The following ZNF527 variants were observed in gnomAD, a reference collection of about 807,000 sequenced individuals.
ZNF527 encodes zinc finger protein 527.
A neutral mutation model predicts 13.5 loss-of-function variants in ZNF527; 5 were observed. That is an observed-to-expected ratio of 0.37 (90% CI 0.19 to 0.78). ZNF527 has a LOEUF of 0.78. Among genes scored for constraint, ZNF527 ranks in the 30% least tolerant of loss-of-function variants. The pLI, the probability that ZNF527 is intolerant of heterozygous loss-of-function variation, is 0.48. For missense variants in ZNF527, 628 were observed against 726.4 expected (o/e 0.86, Z 1.56); for synonymous variants, 209 against 243.1 (o/e 0.86, Z 1.30).
Position 37,392,210 on chromosome 19 carries a change from C to T in ZNF527, c.*2331C>T, listed in dbSNP as rs1041449684. On this transcript the variant is annotated 3_prime_UTR_variant, in exon 5 of 5. Transcript: ENST00000436120. ...ATAAGCTTAATTCATGTCATCATTTCTTTATTTTTTATTATATTTCCTGGA... is the reference window on the plus strand; with the variant it reads ...ATAAGCTTAATTCATGTCATCATTTTTTTATTTTTTATTATATTTCCTGGA... 2.0e-5 allele frequency: 3 copies of T among 151,802 alleles called. No individual in the cohort carries two copies. Among genetic ancestry groups the T allele is most frequent in the African/African-American group, 7.3e-5 (3 of 41,306 alleles). 9.4% of individuals were successfully genotyped at this position (151,802 alleles called of 1,614,324 possible). A position where few individuals can be genotyped will look rare whatever the true frequency, so the allele number is the denominator to read the frequency against.
At chr19:37,380,200 G>A (rs2040642175) in intron 3 of ZNF527, 77 bp from the exon 4 acceptor site, 1 of 1,582,592 alleles carries the variant, frequency 6.3e-7, no homozygotes, top group Non-Finnish European at 8.6e-7. Context: ...CTGCGTCCTA[G>A]ACAGCTGTGG....
rs1437536206 is a variant in ZNF527, at chr19:37,375,299, TTTCTTTCTTTCTTTTC to T, written c.33+1071_33+1086del. Among the ~76,000 whole-genome samples, 246 of 106,938 alleles carry T rather than the reference TTTCTTTCTTTCTTTTC, an allele frequency of 2.3e-3. 1 individual carries two copies. The highest frequency in any genetic ancestry group is 5.8e-3 in the African/African-American group (133 of 22,992). The allele number at this position is 106,938 out of a possible 152,430, so 70.2% of individuals were successfully genotyped here. Reference sequence around the variant, plus strand: ...CTTTCTTTCTTTCTTTCTTTCTTTCTTTCTTTCTTTCTTTTCTTTCTTTCTTTCTTTCTTTCTTTCC... The same window carrying T: ...CTTTCTTTCTTTCTTTCTTTCTTTCTTTTCTTTCTTTCTTTCTTTCTTTCC... On this transcript the variant is annotated intron_variant, in intron 2 of 4. Transcript: ENST00000436120.
At chr19:37,372,690 C>T (rs1321292745) in intron 1 of ZNF527, among the ~76,000 whole-genome samples, 1 of 151,800 alleles carries the variant, frequency 6.6e-6, no homozygotes, top group African/African-American at 2.4e-5. Flanking sequence ...CCAGGCTGGT[C>T]TTGAATTCCT....
Position 37,386,204 on chromosome 19 carries a change from G to A in ZNF527, c.257-2102G>A, listed in dbSNP as rs138637811. On this transcript the variant is annotated intron_variant, in intron 4 of 4. Transcript: ENST00000436120. ...GTCACCCAGGCTGGAATGCTGTGGC[G>A]TGATCTTGGCTCACTGCAACCTCCA... 3.1e-3 allele frequency among the ~76,000 whole-genome samples: 409 copies of A among 130,820 alleles called. 2 individuals are homozygous for A. The highest frequency in any genetic ancestry group is 0.012 in the African/African-American group (390 of 33,764). The allele number at this position is 130,820 out of a possible 152,430, so 85.8% of individuals were successfully genotyped here.
Position 37,389,665 on chromosome 19 carries a change from C to T in ZNF527, c.1616C>T (p.Ser539Leu). The T allele has an allele frequency of 1.2e-6, 2 of 1,613,908 alleles. No individual in the cohort carries two copies. Among genetic ancestry groups the T allele is most frequent in the Non-Finnish European group, 1.7e-6 (2 of 1,179,970 alleles). The stretch of plus-strand genomic sequence containing the variant: ...TGTGGAAAGGCCTTCAGTTGTGGCT[C>T]ATATCTTAATCAACATCAAAGAATT... ...NKCGKAFSCGSYLNQHQRIHT... is the reference protein window; with the variant it reads ...NKCGKAFSCGLYLNQHQRIHT... The change falls in exon 5 of 5, where the codon TCA (serine) becomes TTA (leucine). Residue 539 changes from serine to leucine, a missense_variant. Physicochemically the swap from Ser to Leu is moderately radical, Grantham distance 145. Around this residue, in one of 3 missense-constraint regions of ZNF527, gnomAD observed 592 missense variants for 678.0 expected, o/e 0.87. Coordinates refer to ENST00000436120, the MANE Select transcript of ZNF527 (RefSeq NM_032453.2).
Position 37,391,051 on chromosome 19 carries a change from G to A in ZNF527, c.*1172G>A, listed in dbSNP as rs1056425394. ...ATTCACCAAGTAAAATTCTTTAACA[G>A]GCTTCCCCTTAAGGAGTTAAAATCA... On this transcript the variant is annotated 3_prime_UTR_variant, in exon 5 of 5. Coordinates refer to ENST00000436120, the MANE Select transcript of ZNF527 (RefSeq NM_032453.2). 3.3e-5 allele frequency: 5 copies of A among 152,126 alleles called. No homozygotes were observed. Among genetic ancestry groups the A allele is most frequent in the Non-Finnish European group, 5.9e-5 (4 of 68,038 alleles). 9.4% of individuals were successfully genotyped at this position (152,126 alleles called of 1,614,324 possible).
intron 4 of ZNF527, among the ~76,000 whole-genome samples, chr19:37,384,011 T>G (rs964034700): frequency 8.6e-5 from 13 of 152,022 alleles, no homozygotes; most frequent in Non-Finnish European, 1.8e-4. Flanking sequence ...ATTTTCTGGG[T>G]TTTATAGTTT....
rs1055011842 is a variant in ZNF527, at chr19:37,391,884, A to G, written c.*2005A>G. The G allele has an allele frequency of 6.6e-6, 1 of 152,198 alleles. No homozygotes were observed. The highest frequency in any genetic ancestry group is 1.5e-5 in the Non-Finnish European group (1 of 68,034). 9.4% of individuals were successfully genotyped at this position (152,198 alleles called of 1,614,324 possible). ...CCATCTTGAATAGTGAGAACCAGTAAGAATATTGGGTATTGCCTGAAGAGC... is the reference window on the plus strand; with the variant it reads ...CCATCTTGAATAGTGAGAACCAGTAGGAATATTGGGTATTGCCTGAAGAGC... On this transcript the variant is annotated 3_prime_UTR_variant, in exon 5 of 5. Coordinates refer to ENST00000436120, the MANE Select transcript of ZNF527 (RefSeq NM_032453.2).
chr19:37,376,835 A>G (rs929819491), intron 2 of ZNF527, among the ~76,000 whole-genome samples: 1 of 152,190 alleles, frequency 6.6e-6, no homozygotes, highest in South Asian at 2.1e-4. Context: ...CAAAGTATAT[A>G]CCAGATTTTG....
At position 37,388,988 on chromosome 19, in the gene ZNF527, C is replaced by G. The variant is rs1449605516; in HGVS notation, c.939C>G (p.His313Gln). The G allele has an allele frequency of 1.9e-6, 3 of 1,614,118 alleles. No individual in the cohort carries two copies. Among genetic ancestry groups the G allele is most frequent in the Non-Finnish European group, 8.5e-7 (1 of 1,180,008 alleles). ...ATGACTGTGGAAAAGCCTTTAGCCACGACTTCTTTCTCAGTGAACATCAAA... is the reference window on the plus strand; with the variant it reads ...ATGACTGTGGAAAAGCCTTTAGCCAGGACTTCTTTCTCAGTGAACATCAAA... ...ACNDCGKAFS[H>Q]DFFLSEHQRT... is the part of the protein sequence containing the mutation. The change falls in exon 5 of 5, where the codon CAC (histidine) becomes CAG (glutamine). Residue 313 changes from histidine (H) to glutamine (Q), a missense_variant. By Grantham distance (24) the His-to-Gln change is conservative (BLOSUM62 0). Transcript: ENST00000436120.
intron 1 of ZNF527, among the ~76,000 whole-genome samples, chr19:37,372,022 TG>T (rs1308846565): frequency 6.6e-6 from 1 of 150,766 alleles, no homozygotes; most frequent in African/African-American, 2.4e-5. Flanking sequence ...TCTCTTGAGA[TG>T]GAGTCTCACT....
Position 37,389,193 on chromosome 19 carries a change from G to A in ZNF527, c.1144G>A (p.Gly382Ser). 1 of 1,614,172 alleles carries A rather than the reference G, an allele frequency of 6.2e-7. No individual in the cohort carries two copies. Among genetic ancestry groups the A allele is most frequent in the South Asian group, 1.1e-5 (1 of 91,088 alleles). Residue 382 changes from glycine (G) to serine (S), a missense_variant, in exon 5 of 5, where the codon GGT becomes AGT. Physicochemically the swap from Gly to Ser is moderately conservative, Grantham distance 56. Around this residue, in one of 3 missense-constraint regions of ZNF527, gnomAD observed 592 missense variants for 678.0 expected, o/e 0.87. Transcript: ENST00000436120. Reference sequence around the variant, plus strand: ...TGTTGAACATCAGAGAATTCACACAGGTGAGAAACCATATGAATGTAAAGA... The same window carrying A: ...TGTTGAACATCAGAGAATTCACACAAGTGAGAAACCATATGAATGTAAAGA... The part of the protein sequence containing the change: ...FLVEHQRIHT[G>S]EKPYECKECN...
chr19:37,373,097 C>T (rs547400659), intron 1 of ZNF527, among the ~76,000 whole-genome samples: 11 of 152,238 alleles, frequency 7.2e-5, no homozygotes, highest in Admixed American at 2.6e-4. Flanking sequence ...CTTTTACTAC[C>T]AGTAAAGTGG....
At chr19:37,373,851 G>C (rs2040578275) in intron 1 of ZNF527, among the ~76,000 whole-genome samples, 1 of 152,188 alleles carries the variant, frequency 6.6e-6, no homozygotes, top group Non-Finnish European at 1.5e-5. Flanking sequence ...AGTGTGGCGA[G>C]TAAGGGGCGG....
intron 2 of ZNF527, among the ~76,000 whole-genome samples, chr19:37,377,816 T>G (rs566449391): frequency 9.9e-5 from 15 of 152,040 alleles, no homozygotes; most frequent in Non-Finnish European, 2.2e-4. Context: ...TCTGCCTTAC[T>G]TACCTTCCTT....
At chr19:37,375,294 CTTT>C (rs1568691409) in intron 2 of ZNF527, among the ~76,000 whole-genome samples, 30 of 104,266 alleles carry the variant, frequency 2.9e-4, no homozygotes, top group African/African-American at 1.2e-3. Flanking sequence ...TTCTTTCTTT[CTTT>C]CTTTCTTTCT....
chr19:37,375,487 G>C (rs998414303), intron 2 of ZNF527, among the ~76,000 whole-genome samples: 1 of 150,358 alleles, frequency 6.7e-6, no homozygotes, highest in Non-Finnish European at 1.5e-5. Flanking sequence ...TCAGCTTTCC[G>C]GGTAGCTGGG....
At position 37,374,167 on chromosome 19, in the gene ZNF527, C is replaced by T. The variant is rs1367573424; in HGVS notation, c.-32C>T. On this transcript the variant is annotated 5_prime_UTR_variant, in exon 2 of 5. Transcript: ENST00000436120. ...AACTCTCCCTTCTCAGGACTTTGTTCTTCTTCAGAAGAGAAAACTGAAGAA... is the reference window on the plus strand; with the variant it reads ...AACTCTCCCTTCTCAGGACTTTGTTTTTCTTCAGAAGAGAAAACTGAAGAA... The T allele has an allele frequency of 1.2e-6, 2 of 1,611,168 alleles. No individual in the cohort carries two copies. Among genetic ancestry groups the T allele is most frequent in the Non-Finnish European group, 1.7e-6 (2 of 1,177,402 alleles).
At chr19:37,372,137 T>G (rs1405414224) in intron 1 of ZNF527, among the ~76,000 whole-genome samples, 2 of 151,150 alleles carry the variant, frequency 1.3e-5, no homozygotes, top group African/African-American at 4.9e-5. Flanking sequence ...GTAGCTGGGA[T>G]TACAGGCGCG....
Sources: allele counts gnomAD v4.1 joint callset (sites outside exome capture counted in the v4.1 genomes callset), GRCh38; gene constraint gnomAD v4.1.1; regional missense constraint gnomAD v4.1.1; transcripts MANE v1.5; gene names NCBI Gene and HGNC (gene_info 2026-07-23, HGNC 2026-07-21).